KIAA1217: variants seen among roughly 807,000 people sequenced by gnomAD.
KIAA1217 encodes sickle tail protein homolog.
KIAA1217 carries 88 observed loss-of-function variants against 163.9 expected under a neutral mutation model. The ratio of observed to expected loss-of-function variants is 0.54; its 90% confidence interval spans 0.45 to 0.64. The LOEUF is 0.64. Among genes scored for constraint, KIAA1217 ranks in the 30% least tolerant of loss-of-function variants. The pLI is 0.00. For missense variants in KIAA1217, 2,372 were observed against 2,475.0 expected, an observed-to-expected ratio of 0.96 and a Z score of 0.88; for synonymous variants, 903 against 923.1, an observed-to-expected ratio of 0.98 and a Z score of 0.39.
intron 2 of KIAA1217, among the ~76,000 whole-genome samples, chr10:24,120,114 T>C (rs2063222924): frequency 6.6e-6 from 1 of 152,210 alleles, no homozygotes; most frequent in Admixed American, 6.5e-5. Context: ...TTGTTACTGG[T>C]TAGCCCTTCA....
At chr10:24,052,682 G>A (rs1322443882) in intron 2 of KIAA1217, among the ~76,000 whole-genome samples, 1 of 151,972 alleles carries the variant, frequency 6.6e-6, no homozygotes, top group Non-Finnish European at 1.5e-5. Flanking sequence ...TCGGAACTTG[G>A]CCATTTGAAA....
intron 1 of KIAA1217, among the ~76,000 whole-genome samples, chr10:23,741,623 C>A (rs2130811432): frequency 6.6e-6 from 1 of 152,308 alleles, no homozygotes; most frequent in Non-Finnish European, 1.5e-5. Flanking sequence ...AGCACATAGG[C>A]TGTACATGCA....
chr10:24,383,173 T>C (rs1379905590), intron 3 of KIAA1217, among the ~76,000 whole-genome samples: 1 of 152,104 alleles, frequency 6.6e-6, no homozygotes, highest in Non-Finnish European at 1.5e-5. Context: ...TTAACTCCAC[T>C]CACACTTAGG....
chr10:24,341,519 C>T (rs992188311), intron 2 of KIAA1217, among the ~76,000 whole-genome samples: 1 of 152,230 alleles, frequency 6.6e-6, no homozygotes, highest in Non-Finnish European at 1.5e-5. Flanking sequence ...CTTGTAGATA[C>T]GTATAGTATC....
At chr10:24,262,513 G>A (rs1168734744) in intron 2 of KIAA1217, among the ~76,000 whole-genome samples, 1 of 151,990 alleles carries the variant, frequency 6.6e-6, no homozygotes, top group African/African-American at 2.4e-5. Flanking sequence ...TGTAATCCCA[G>A]CTTTTCGGGA....
At chr10:24,142,397 A>G (rs922090938) in intron 2 of KIAA1217, among the ~76,000 whole-genome samples, 6 of 152,156 alleles carry the variant, frequency 3.9e-5, no homozygotes, top group Admixed American at 3.9e-4. Flanking sequence ...TATAGGTAAG[A>G]TAGTGCCAAG....
At chr10:23,880,047 G>C (rs1327166629) in intron 1 of KIAA1217, among the ~76,000 whole-genome samples, 2 of 151,852 alleles carry the variant, frequency 1.3e-5, no homozygotes, top group Non-Finnish European at 2.9e-5. Flanking sequence ...GTTTTCTCAG[G>C]GAAATAAGAA....
chr10:24,380,910 T>G lies in KIAA1217; in HGVS notation c.396T>G (p.Ser132Arg). 6.2e-7 allele frequency: 1 copy of G among 1,600,140 alleles called. No homozygotes were observed. The highest frequency in any genetic ancestry group is 8.5e-7 in the Non-Finnish European group (1 of 1,172,108). Reference sequence around the variant, plus strand: ...TGTCTCACAGTCCTCAACCACCCAGTCTGGGTGACCCGGTCGAGCATTTAT... The same window carrying G: ...TGTCTCACAGTCCTCAACCACCCAGGCTGGGTGACCCGGTCGAGCATTTAT... ...PKLSHSPQPP[S>R]LGDPVEHLSE... is the part of the protein sequence containing the mutation. The change falls in exon 3 of 21, where the codon AGT becomes AGG. Residue 132 changes from serine (S) to arginine (R), a missense_variant. Physicochemically the swap from Ser to Arg is moderately radical, Grantham distance 110. Around this residue, in one of 3 missense-constraint regions of KIAA1217, gnomAD observed 1,431 missense variants for 1,470.3 expected, o/e 0.97. Transcript: ENST00000376454.
intron 3 of KIAA1217, among the ~76,000 whole-genome samples, chr10:24,391,153 A>C (rs978748712): frequency 1.3e-5 from 2 of 152,210 alleles, no homozygotes; most frequent in Non-Finnish European, 2.9e-5. Flanking sequence ...CAGATGGGAC[A>C]TAGGTAAAAA....
intron 3 of KIAA1217, among the ~76,000 whole-genome samples, chr10:24,425,381 C>T (rs2059096775): frequency 6.6e-6 from 1 of 152,114 alleles, no homozygotes; most frequent in Non-Finnish European, 1.5e-5. Context: ...ACCTAAGTTT[C>T]TGTTTCAAAT....
chr10:24,410,064 T>A (rs1366208860), intron 3 of KIAA1217, among the ~76,000 whole-genome samples: 1 of 150,472 alleles, frequency 6.6e-6, no homozygotes, highest in Non-Finnish European at 1.5e-5. Context: ...TGGTGTGATC[T>A]TGACTCACTG....
chr10:23,784,495 G>T (rs7903055), intron 1 of KIAA1217, among the ~76,000 whole-genome samples: 27,557 of 151,456 alleles, frequency 0.18, 2,643 homozygotes, highest in Middle Eastern at 0.27. Flanking sequence ...TTTCTGTGGG[G>T]TTTTTTTTGT....
intron 2 of KIAA1217, among the ~76,000 whole-genome samples, chr10:24,140,785 C>A (rs146339988): frequency 1.9e-3 from 282 of 152,296 alleles, no homozygotes; most frequent in African/African-American, 6.4e-3. Context: ...GCTTGACATA[C>A]CTTTAGTGGT....
Position 24,209,147 on chromosome 10 carries a change from CTCTGAAGT to C in KIAA1217, c.-45_-38del. The stretch of plus-strand genomic sequence containing the variant: ...CTTTCTGGGAGCTTTTAGAACTGCG[CTCTGAAGT>C]TTCCAGAGAGCGAGGAGCTTTTGCG... On this transcript the variant is annotated 5_prime_UTR_variant, in exon 1 of 21. Transcript: ENST00000376454. The C allele has an allele frequency of 6.3e-7, 1 of 1,586,836 alleles. No homozygotes were observed. Among genetic ancestry groups the C allele is most frequent in the Non-Finnish European group, 8.7e-7 (1 of 1,155,966 alleles).
At position 24,267,427 on chromosome 10, in the gene KIAA1217, C is replaced by T. The variant is rs139641686; in HGVS notation, c.354+47518C>T. Reference sequence around the variant, plus strand: ...AGGGAACCTAGAAAAAGTTACAAAACGGAAAGAGCTATCCATCTATCTGTA... The same window carrying T: ...AGGGAACCTAGAAAAAGTTACAAAATGGAAAGAGCTATCCATCTATCTGTA... On this transcript the variant is annotated intron_variant, in intron 2 of 20. Transcript: ENST00000376454. 4.4e-3 allele frequency among the ~76,000 whole-genome samples: 673 copies of T among 152,296 alleles called. 6 individuals are homozygous for T. Among genetic ancestry groups the T allele is most frequent in the African/African-American group, 0.015 (640 of 41,568 alleles).
intron 2 of KIAA1217, among the ~76,000 whole-genome samples, chr10:24,191,969 C>G (rs1360183699): frequency 2.6e-5 from 4 of 152,086 alleles, no homozygotes; most frequent in Non-Finnish European, 4.4e-5. Context: ...GGTCTGGAAC[C>G]CCTGACCTCA....
At chr10:23,837,919 G>A (rs1052505393) in intron 1 of KIAA1217, among the ~76,000 whole-genome samples, 1 of 151,968 alleles carries the variant, frequency 6.6e-6, no homozygotes, top group African/African-American at 2.4e-5. Flanking sequence ...CTGTATATAG[G>A]GCAACTATTT....
intron 1 of KIAA1217, among the ~76,000 whole-genome samples, chr10:23,811,703 G>A (rs1026770147): frequency 5.9e-5 from 9 of 151,990 alleles, no homozygotes; most frequent in African/African-American, 1.9e-4. Context: ...ATGGCAGTGG[G>A]AGACTGGAAC....
chr10:24,543,431 T>A lies in KIAA1217; in HGVS notation c.4161T>A (p.Ile1387=). ...NAATDNIAFM[I]TETTVQVLSS... ...CCACTGACAATATTGCCTTCATGAT[T>A]ACCGAAACCACTGTCCAGGTTCTTT... Residue 1387 remains isoleucine, a synonymous_variant, in exon 19 of 21, where the codon ATT becomes ATA. Coordinates refer to ENST00000376454, the MANE Select transcript of KIAA1217 (RefSeq NM_019590.5). The A allele has an allele frequency of 6.2e-7, 1 of 1,614,192 alleles. No individual in the cohort carries two copies. Among genetic ancestry groups the A allele is most frequent in the Non-Finnish European group, 8.5e-7 (1 of 1,180,044 alleles).
Sources: allele counts gnomAD v4.1 joint callset (sites outside exome capture counted in the v4.1 genomes callset), GRCh38; gene constraint gnomAD v4.1.1; regional missense constraint gnomAD v4.1.1; transcripts MANE v1.5; gene names NCBI Gene and HGNC (gene_info 2026-07-23, HGNC 2026-07-21).